CNTN3: variants seen among roughly 807,000 people sequenced by gnomAD.
CNTN3 encodes the protein contactin-3.
CNTN3 carries 60 observed loss-of-function variants against 119.1 expected under a neutral mutation model. The ratio of observed to expected loss-of-function variants is 0.50; its 90% CI spans 0.41 to 0.62. The LOEUF (loss-of-function observed/expected upper bound fraction) is 0.62, where lower values mean the gene tolerates loss of function less well. Among genes scored for constraint, CNTN3 ranks in the 20% least tolerant of loss-of-function variants. The pLI is 0.00. For missense variants in CNTN3, 1,101 were observed against 1,242.4 expected, an observed-to-expected ratio of 0.89 and a Z score of 1.71; for synonymous variants, 450 against 438.7, an observed-to-expected ratio of 1.03 and a Z score of -0.32.
intron 2 of CNTN3, among the ~76,000 whole-genome samples, chr3:74,509,444 C>T (rs1001673477): frequency 8.6e-5 from 13 of 151,952 alleles, no homozygotes; most frequent in Non-Finnish European, 1.5e-4. Flanking sequence ...ATTACGGGCA[C>T]ACGCCATCAT....
At chr3:74,610,348 C>A (rs140568547) in intron 1 of CNTN3, among the ~76,000 whole-genome samples, 2 of 151,524 alleles carry the variant, frequency 1.3e-5, no homozygotes, top group Non-Finnish European at 2.9e-5. Context: ...AAAAAAAAAC[C>A]CTGTGAGTTT....
intron 4 of CNTN3, among the ~76,000 whole-genome samples, chr3:74,438,483 T>C (rs1330178704): frequency 6.6e-6 from 1 of 152,230 alleles, no homozygotes; most frequent in Non-Finnish European, 1.5e-5. Context: ...CCTGTGTCTT[T>C]TCCTAGCCAC....
chr3:74,567,027 T>C (rs1365602479), intron 1 of CNTN3, among the ~76,000 whole-genome samples: 2 of 152,172 alleles, frequency 1.3e-5, no homozygotes, highest in South Asian at 2.1e-4. Context: ...AGTCAGCCTC[T>C]TGGGGCACAG....
rs1701616979 is a variant in CNTN3, at chr3:74,263,633, T to C, written c.*768A>G. ...ATCTGGCTGGTCTTCATGACTTTTA[T>C]GTGATTAAATAAATTCATGCTAATA... On this transcript the variant is annotated 3_prime_UTR_variant, in exon 23 of 23. Transcript: ENST00000263665. The C allele has an allele frequency of 6.6e-6, 1 of 152,102 alleles. No homozygotes were observed. Among genetic ancestry groups the C allele is most frequent in the South Asian group, 2.1e-4 (1 of 4,834 alleles). The allele number at this position is 152,102 out of a possible 1,614,324, so 9.4% of individuals were successfully genotyped here. A position where few individuals can be genotyped will look rare whatever the true frequency, so the allele number is the denominator to read the frequency against.
chr3:74,589,356 A>G (rs1559670111), intron 1 of CNTN3, among the ~76,000 whole-genome samples: 1 of 149,624 alleles, frequency 6.7e-6, no homozygotes. Context: ...ACATGAAAAA[A>G]TGCTCATCAT....
At chr3:74,494,443 G>C (rs1651946987) in intron 3 of CNTN3, among the ~76,000 whole-genome samples, 1 of 151,934 alleles carries the variant, frequency 6.6e-6, no homozygotes. Context: ...ACACCATTTG[G>C]AGTTTTTGAT....
intron 1 of CNTN3, among the ~76,000 whole-genome samples, chr3:74,575,723 C>A (rs2106658757): frequency 6.6e-6 from 1 of 151,968 alleles, no homozygotes; most frequent in African/African-American, 2.4e-5. Flanking sequence ...AACTCCTGCT[C>A]CCCTTTTCCC....
At chr3:74,283,615 CT>C (rs1702057042) in intron 20 of CNTN3, among the ~76,000 whole-genome samples, 1 of 152,026 alleles carries the variant, frequency 6.6e-6, no homozygotes, top group Admixed American at 6.6e-5. Context: ...TCATAATTTC[CT>C]AGCAAGTAAT....
chr3:74,388,956 G>C, intron 5 of CNTN3, among the ~76,000 whole-genome samples: 1 of 152,022 alleles, frequency 6.6e-6, no homozygotes, highest in East Asian at 1.9e-4. Flanking sequence ...ATTAGAGATC[G>C]ATACACGTAC....
intron 3 of CNTN3, among the ~76,000 whole-genome samples, chr3:74,491,005 C>G (rs913254934): frequency 1.3e-5 from 2 of 152,138 alleles, no homozygotes; most frequent in East Asian, 3.9e-4. Context: ...GATTGTTTTT[C>G]CTCTTGCTGA....
intron 20 of CNTN3, among the ~76,000 whole-genome samples, chr3:74,273,234 T>C (rs944829311): frequency 1.3e-5 from 2 of 152,206 alleles, no homozygotes; most frequent in African/African-American, 4.8e-5. Context: ...CTTTCAGTGC[T>C]TGCCTTATTC....
At chr3:74,374,595 G>A (rs1035201992) in intron 5 of CNTN3, among the ~76,000 whole-genome samples, 5 of 151,978 alleles carry the variant, frequency 3.3e-5, no homozygotes, top group African/African-American at 9.7e-5. Context: ...CTGCAGACAA[G>A]TGAAGGCAAG....
intron 1 of CNTN3, among the ~76,000 whole-genome samples, chr3:74,536,357 A>T (rs1343038933): frequency 6.6e-6 from 1 of 152,128 alleles, no homozygotes; most frequent in African/African-American, 2.4e-5. Flanking sequence ...AATATTAGGA[A>T]GGTATTTGTA....
intron 1 of CNTN3, among the ~76,000 whole-genome samples, chr3:74,527,824 C>T (rs142710149): frequency 6.6e-6 from 1 of 152,000 alleles, no homozygotes; most frequent in Non-Finnish European, 1.5e-5. Flanking sequence ...TCGCTTGTAG[C>T]ATGTTTCAAG....
intron 4 of CNTN3, among the ~76,000 whole-genome samples, chr3:74,472,167 C>T (rs1465742940): frequency 6.6e-6 from 1 of 152,208 alleles, no homozygotes; most frequent in Non-Finnish European, 1.5e-5. Flanking sequence ...CCAAATTCAA[C>T]TCAACCTCAG....
intron 1 of CNTN3, among the ~76,000 whole-genome samples, chr3:74,573,709 G>T (rs1704370135): frequency 6.6e-6 from 1 of 151,466 alleles, no homozygotes; most frequent in African/African-American, 2.4e-5. Flanking sequence ...GGTCATTAGG[G>T]AAATGCAAAT....
chr3:74,512,729 A>T (rs963999902), intron 2 of CNTN3, among the ~76,000 whole-genome samples: 1 of 150,076 alleles, frequency 6.7e-6, no homozygotes, highest in African/African-American at 2.4e-5. Flanking sequence ...AGAAAGAAAC[A>T]TGTCATTTGT....
intron 1 of CNTN3, among the ~76,000 whole-genome samples, chr3:74,570,736 T>C (rs945028267): frequency 3.3e-5 from 5 of 152,162 alleles, no homozygotes; most frequent in Admixed American, 1.3e-4. Flanking sequence ...TCTGAGGTCT[T>C]CCTCCCTCAG....
chr3:74,377,876 T>C (rs1231967896), intron 5 of CNTN3, among the ~76,000 whole-genome samples: 2 of 152,228 alleles, frequency 1.3e-5, no homozygotes, highest in Admixed American at 6.5e-5. Context: ...TATCTGGAGA[T>C]ACACTAATAC....
Sources: gnomAD v4.1 joint callset for allele counts (sites outside exome capture counted in the v4.1 genomes callset) on GRCh38, gnomAD v4.1.1 for gene constraint, MANE v1.5 for transcripts, NCBI Gene and HGNC (gene_info 2026-07-23, HGNC 2026-07-21) for gene names.